The following PLCG2 variants were observed in gnomAD, a reference collection of about 807,000 sequenced individuals.
The protein encoded by PLCG2 is 1-phosphatidylinositol 4,5-bisphosphate phosphodiesterase gamma-2.
Under a neutral mutation model 175.6 loss-of-function variants are expected in PLCG2, and 69 were observed. The ratio of observed to expected loss-of-function variants is 0.39; its 90% confidence interval spans 0.32 to 0.48. PLCG2 has a LOEUF of 0.48. Ranked by LOEUF, PLCG2 falls within the 20% of genes least tolerant of loss-of-function variation. The pLI is 0.91. For synonymous variants in PLCG2, 827 were observed against 624.0 expected (o/e 1.33, Z -4.85); for missense variants, 1,798 against 1,650.9 (o/e 1.09, Z -1.54).
chr16:81,956,658 G>C, intron 31 of PLCG2, 37 bp from the exon 32 acceptor site: 1 of 1,581,104 alleles, frequency 6.3e-7, no homozygotes, highest in Non-Finnish European at 8.6e-7. Context: ...GGAAGGTGTA[G>C]TCACCACATG....
At chr16:81,782,986 A>T (rs1346002767) in intron 1 of PLCG2, 1 of 393,950 alleles carries the variant, frequency 2.5e-6, no homozygotes, top group African/African-American at 2.1e-5. Context: ...GCAGCATGGA[A>T]GTCTGGTGTT....
At chr16:81,763,201 T>C (rs1319941166) in intron 2 of PLCG2, among the ~76,000 whole-genome samples, 2 of 152,228 alleles carry the variant, frequency 1.3e-5, no homozygotes, top group Non-Finnish European at 2.9e-5. Context: ...ACCCAGCCTC[T>C]CCTCCACTGC....
Position 81,889,721 on chromosome 16 carries a change from C to T in PLCG2, c.867+448C>T, listed in dbSNP as rs1908542080. Among the ~76,000 whole-genome samples, 3 of 152,126 alleles carry T rather than the reference C, an allele frequency of 2.0e-5. No homozygotes were observed. In the South Asian group the frequency reaches 6.2e-4, roughly 32 times the overall value. On this transcript the variant is annotated intron_variant, in intron 10 of 32. Coordinates refer to ENST00000564138, the MANE Select transcript of PLCG2 (RefSeq NM_002661.5). ...CCAGCCTGGAGTGCAGTGGTGGGAT[C>T]TCACCTCACTGCAACCTCCGCCTCC...
intron 31 of PLCG2, among the ~76,000 whole-genome samples, chr16:81,954,811 G>A (rs1403319269): frequency 1.3e-5 from 2 of 152,042 alleles, no homozygotes; most frequent in Admixed American, 1.3e-4. Flanking sequence ...CATGTGCGTG[G>A]GTCTTTATAG....
At chr16:81,759,728 A>G (rs1015795526) in intron 2 of PLCG2, among the ~76,000 whole-genome samples, 3 of 152,250 alleles carry the variant, frequency 2.0e-5, no homozygotes, top group Non-Finnish European at 4.4e-5. Context: ...ATGGACATAT[A>G]CTTGTCAAAT....
chr16:81,767,632 A>C (rs1597307626), intron 2 of PLCG2: 1 of 152,106 alleles, frequency 6.6e-6, no homozygotes. Context: ...CCTTTTTGAT[A>C]TACAGTTCTG....
rs1910620988 is a variant in PLCG2 at position 81,779,317 on chromosome 16, G to A, written c.-155G>A. ...GAAGTAGCGAGCGCCGGCGGCGGAG[G>A]GCGTGAGCGGCGCTGAGTGACCCGA... On this transcript the variant is annotated 5_prime_UTR_variant, in exon 1 of 33. Transcript: ENST00000564138. 1.3e-5 allele frequency: 2 copies of A among 150,772 alleles called. No individual in the cohort carries two copies. The highest frequency in any genetic ancestry group is 2.1e-4 in the South Asian group (1 of 4,842). The allele number at this position is 150,772 out of a possible 1,614,324, so 9.3% of individuals were successfully genotyped here.
chr16:81,749,037 G>C (rs566212938), intron 1 of PLCG2, among the ~76,000 whole-genome samples: 1 of 152,278 alleles, frequency 6.6e-6, no homozygotes, highest in South Asian at 2.1e-4. Flanking sequence ...TTACTTCCAG[G>C]CTGTGGTGCT....
At chr16:81,836,345 T>C (rs1877149799) in intron 2 of PLCG2, among the ~76,000 whole-genome samples, 1 of 152,206 alleles carries the variant, frequency 6.6e-6, no homozygotes, top group African/African-American at 2.4e-5. Flanking sequence ...AGCCATGGAC[T>C]CGTATTCCCA....
chr16:81,755,239 C>T (rs1909897325), intron 1 of PLCG2, among the ~76,000 whole-genome samples: 1 of 152,054 alleles, frequency 6.6e-6, no homozygotes, highest in Non-Finnish European at 1.5e-5. Flanking sequence ...CTCTGTCACC[C>T]AGGCTGGAGT....
At chr16:81,951,602 G>C (rs1171897259) in intron 31 of PLCG2, among the ~76,000 whole-genome samples, 1 of 152,150 alleles carries the variant, frequency 6.6e-6, no homozygotes, top group Admixed American at 6.5e-5. Flanking sequence ...CAAAACTGGA[G>C]AAAGATAGTA....
intron 2 of PLCG2, among the ~76,000 whole-genome samples, chr16:81,805,762 G>GTTTTGTTT (rs1911980712): frequency 2.6e-5 from 1 of 38,908 alleles, no homozygotes; most frequent in African/African-American, 1.4e-4. Flanking sequence ...GTAGTGTTTT[G>GTTTTGTTT]TTTTGTTTTT....
chr16:81,801,743 CA>C (rs1203840074), intron 2 of PLCG2, among the ~76,000 whole-genome samples: 1 of 151,924 alleles, frequency 6.6e-6, no homozygotes, highest in African/African-American at 2.4e-5. Flanking sequence ...TGCAGTGGCA[CA>C]ATCTCAGCTC....
intron 2 of PLCG2, among the ~76,000 whole-genome samples, chr16:81,844,052 C>T (rs1431038342): frequency 6.6e-6 from 1 of 150,682 alleles, no homozygotes; most frequent in Non-Finnish European, 1.5e-5. Context: ...CGTCGGCTCA[C>T]TACAAGCTCT....
intron 4 of PLCG2, 139 bp from the exon 5 acceptor site, chr16:81,858,977 G>C: frequency 1.8e-6 from 1 of 559,820 alleles, no homozygotes; most frequent in Non-Finnish European, 3.2e-6. Context: ...TGCTTCCCAA[G>C]CTGCCCTTGT....
At chr16:81,777,835 G>A (rs532489953), upstream of PLCG2, among the ~76,000 whole-genome samples, 5 of 151,798 alleles carry the variant, frequency 3.3e-5, no homozygotes, top group Admixed American at 3.3e-4. Flanking sequence ...GGCCAACATA[G>A]TGAAACCGCG....
intron 2 of PLCG2, among the ~76,000 whole-genome samples, chr16:81,847,096 T>A (rs536467414): frequency 3.3e-5 from 5 of 152,378 alleles, no homozygotes; most frequent in African/African-American, 1.2e-4. Flanking sequence ...TGACTGGCTA[T>A]AAATTGGGGT....
chr16:81,838,518 C>T (rs1157164067), intron 2 of PLCG2, among the ~76,000 whole-genome samples: 1 of 151,990 alleles, frequency 6.6e-6, no homozygotes, highest in Non-Finnish European at 1.5e-5. Context: ...AACAGAAAAC[C>T]AAACGCCGCA....
In PLCG2 at chr16:81,799,836, T is replaced by G. The variant is rs376989581; in HGVS notation, c.193+13654T>G. On this transcript the variant is annotated intron_variant, in intron 2 of 32. Coordinates refer to ENST00000564138, the MANE Select transcript of PLCG2 (RefSeq NM_002661.5). ...TCTCGATCTCCTGACCTCGTGATCC[T>G]CCCACCTTGGCCTCCTAAAGTGCTG... 1.5e-4 allele frequency among the ~76,000 whole-genome samples: 23 copies of G among 152,120 alleles called. No individual in the cohort carries two copies. The East Asian group carries it at 2.1e-3, about 14-fold the overall frequency.
Sources: gnomAD v4.1 joint callset for allele counts (sites outside exome capture counted in the v4.1 genomes callset) on GRCh38, gnomAD v4.1.1 for gene constraint, MANE v1.5 for transcripts, NCBI Gene and HGNC (gene_info 2026-07-23, HGNC 2026-07-21) for gene names.